Variants in HUS1 observed in about 807,000 individuals in gnomAD.
HUS1 encodes the protein HUS1 checkpoint clamp component.
A neutral mutation model predicts 32.6 loss-of-function variants in HUS1; 31 were observed. The ratio of observed to expected loss-of-function variants is 0.95; its 90% CI spans 0.72 to 1.28. The LOEUF (loss-of-function observed/expected upper bound fraction) is 1.28. Among genes scored for constraint, HUS1 ranks in the 50% most tolerant of loss-of-function variants. The pLI is 0.00. For missense variants in HUS1, 340 were observed against 337.7 expected (o/e 1.01, Z -0.05); for synonymous variants, 123 against 116.6 (o/e 1.06, Z -0.36).
chr7:47,977,334 C>T (rs565312595), intron 3 of HUS1, among the ~76,000 whole-genome samples: 29 of 152,224 alleles, frequency 1.9e-4, no homozygotes, highest in Middle Eastern at 3.4e-3. Flanking sequence ...GCTATGTTGA[C>T]GCAACCAAGA....
intron 5 of HUS1, among the ~76,000 whole-genome samples, 176 bp downstream of exon 5, chr7:47,975,437 A>G (rs1410232678): frequency 2.0e-5 from 3 of 152,206 alleles, no homozygotes; most frequent in Non-Finnish European, 4.4e-5. Context: ...AAGTATTGGA[A>G]TAGGTTTCTA....
intron 3 of HUS1, among the ~76,000 whole-genome samples, chr7:47,977,658 G>A (rs1373063409): frequency 3.9e-5 from 6 of 152,178 alleles, no homozygotes; most frequent in African/African-American, 1.2e-4. Context: ...TTGGGAGGCC[G>A]AGGTAGGTGG....
chr7:47,974,803 T>C (rs539663220), intron 5 of HUS1, among the ~76,000 whole-genome samples: 2 of 152,236 alleles, frequency 1.3e-5, no homozygotes, highest in East Asian at 1.9e-4. Flanking sequence ...CATGTGGCCA[T>C]AGGAGACTTC....
intron 5 of HUS1, among the ~76,000 whole-genome samples, chr7:47,974,606 A>G (rs967571496): frequency 6.6e-6 from 1 of 152,096 alleles, no homozygotes; most frequent in Non-Finnish European, 1.5e-5. Flanking sequence ...TTTATGCTTC[A>G]TCAGGTGGAC....
intron 5 of HUS1, among the ~76,000 whole-genome samples, chr7:47,973,681 T>A (rs1289344984): frequency 6.6e-6 from 1 of 152,246 alleles, no homozygotes; most frequent in Non-Finnish European, 1.5e-5. Flanking sequence ...TTTGCTACAG[T>A]AACTTGATAA....
chr7:47,971,205 T>G (rs1174251008), intron 5 of HUS1: 1 of 210,522 alleles, frequency 4.8e-6, no homozygotes, highest in Non-Finnish European at 9.8e-6. Flanking sequence ...AATATGACTA[T>G]AAGGCCTTCA....
In HUS1 at chr7:47,979,543, C is replaced by T. The variant is rs1788783972; in HGVS notation, c.-24G>A. 3 of 1,586,574 alleles carry T rather than the reference C, an allele frequency of 1.9e-6. No homozygotes were observed. The highest frequency in any genetic ancestry group is 2.6e-6 in the Non-Finnish European group (3 of 1,163,188). ...ATGGCCGCGGATGGCGCAGCCGCGGCGGGCCTCTGTGGGTAACAGAAAAGC... is the reference window on the plus strand; with the variant it reads ...ATGGCCGCGGATGGCGCAGCCGCGGTGGGCCTCTGTGGGTAACAGAAAAGC... On this transcript the variant is annotated 5_prime_UTR_variant, in exon 1 of 8. Coordinates refer to ENST00000258774, the MANE Select transcript of HUS1 (RefSeq NM_004507.4).
chr7:47,976,300 C>T (rs1421615082), intron 4 of HUS1: 1 of 456,816 alleles, frequency 2.2e-6, no homozygotes, highest in South Asian at 1.5e-5. Context: ...TTCAGGAGCT[C>T]TAGGGTTAAC....
At chr7:47,970,554 T>A (rs1321502285) in intron 5 of HUS1, among the ~76,000 whole-genome samples, 4 of 151,646 alleles carry the variant, frequency 2.6e-5, no homozygotes. Flanking sequence ...GTGGAGAAGA[T>A]CCAAGCCCTC....
intron 3 of HUS1, chr7:47,978,114 T>C (rs1052793380): frequency 1.0e-5 from 2 of 196,366 alleles, no homozygotes; most frequent in Non-Finnish European, 1.8e-5. Flanking sequence ...ATGTCAAAGG[T>C]GAAAATGGAT....
intron 6 of HUS1, 133 bp from the exon 7 acceptor site, chr7:47,968,058 C>CT: frequency 2.4e-6 from 2 of 835,118 alleles, no homozygotes; most frequent in Middle Eastern, 4.7e-4. Context: ...AATATTGCAA[C>CT]TTGTAAATGT....
chr7:47,970,485 T>C (rs966847318), intron 5 of HUS1, among the ~76,000 whole-genome samples: 2 of 148,962 alleles, frequency 1.3e-5, no homozygotes, highest in South Asian at 2.2e-4. Context: ...AGGAGAAAGA[T>C]AAAATTTACC....
At position 47,965,234 on chromosome 7, in the gene HUS1, C is replaced by A; in HGVS notation, c.*122G>T. 1.6e-6 allele frequency: 1 copy of A among 638,910 alleles called. No homozygotes were observed. Among genetic ancestry groups the A allele is most frequent in the Non-Finnish European group, 2.8e-6 (1 of 352,346 alleles). 39.6% of individuals were successfully genotyped at this position (638,910 alleles called of 1,614,324 possible). A position where few individuals can be genotyped will look rare whatever the true frequency, so the allele number is the denominator to read the frequency against. On this transcript the variant is annotated 3_prime_UTR_variant, in exon 8 of 8. Transcript: ENST00000258774. Reference sequence around the variant, plus strand: ...TTTTAGTTAAAATGTTAGAGAGGGACAAATAAGTACAGTGTGTCGATGTGC... The same window carrying A: ...TTTTAGTTAAAATGTTAGAGAGGGAAAAATAAGTACAGTGTGTCGATGTGC...
intron 4 of HUS1, chr7:47,976,148 T>C (rs989988811): frequency 1.7e-5 from 6 of 352,528 alleles, no homozygotes; most frequent in African/African-American, 6.4e-5. Context: ...AAGAGTGCTC[T>C]ATAAAACACA....
At chr7:47,974,790 A>G (rs1014123680) in intron 5 of HUS1, among the ~76,000 whole-genome samples, 2 of 152,204 alleles carry the variant, frequency 1.3e-5, no homozygotes, top group Admixed American at 6.5e-5. Context: ...TAACATTTCG[A>G]GCCATGTGGC....
intron 5 of HUS1, among the ~76,000 whole-genome samples, chr7:47,973,525 C>T (rs922570907): frequency 3.9e-5 from 6 of 152,214 alleles, no homozygotes; most frequent in African/African-American, 4.8e-5. Flanking sequence ...AGTCACACCT[C>T]GCATTTAATG....
Position 47,978,406 on chromosome 7 carries a change from C to T in HUS1, c.357+11G>A, listed in dbSNP as rs1554293159. On this transcript the variant is annotated intron_variant, in intron 3 of 7. Coordinates refer to ENST00000258774, the MANE Select transcript of HUS1 (RefSeq NM_004507.4). ...GACTTCTGTGTTAGAAACCCTGACT[C>T]TCCTACTCACCAGCTCCACGGAGAC... 1.2e-6 allele frequency: 2 copies of T among 1,610,742 alleles called. No individual in the cohort carries two copies. The highest frequency in any genetic ancestry group is 1.7e-6 in the Non-Finnish European group (2 of 1,177,140).
At chr7:47,977,848 C>T (rs771250762) in intron 3 of HUS1, among the ~76,000 whole-genome samples, 1 of 152,066 alleles carries the variant, frequency 6.6e-6, no homozygotes, top group African/African-American at 2.4e-5. Flanking sequence ...GAGCCGAGAT[C>T]GCGCCACTGC....
At chr7:47,965,555 T>G in intron 7 of HUS1, 117 bp from the exon 8 acceptor site, 1 of 672,670 alleles carries the variant, frequency 1.5e-6, no homozygotes, top group Non-Finnish European at 2.6e-6. Context: ...CTGTCTTCCC[T>G]GAGGCAGCTG....
Sources: gnomAD v4.1 joint callset for allele counts (sites outside exome capture counted in the v4.1 genomes callset) on GRCh38, gnomAD v4.1.1 for gene constraint, MANE v1.5 for transcripts, NCBI Gene and HGNC (gene_info 2026-07-23, HGNC 2026-07-21) for gene names.